PPARA: variants seen among roughly 807,000 people sequenced by gnomAD.
PPARA encodes peroxisome proliferator-activated receptor alpha.
PPARA carries 22 observed loss-of-function variants against 42.2 expected under a neutral mutation model. The observed-to-expected ratio is 0.52, with a 90% CI of 0.37 to 0.74. The LOEUF is 0.74. Ranked by LOEUF, PPARA falls within the 30% of genes least tolerant of loss-of-function variation. PPARA has a pLI of 0.00. For missense variants in PPARA, 465 were observed against 608.2 expected, an observed-to-expected ratio of 0.76 and a Z score of 2.48; for synonymous variants, 242 against 239.3, an observed-to-expected ratio of 1.01 and a Z score of -0.10.
chr22:46,223,164 G>C lies in PPARA; in HGVS notation c.711+3150G>C, dbSNP rs148495203. Among the ~76,000 whole-genome samples the C allele has an allele frequency of 3.2e-3, 488 of 151,956 alleles. 2 individuals carry two copies. The highest frequency in any genetic ancestry group is 0.011 in the African/African-American group (472 of 41,450). ...AAGCGAGACTCTCTAAAAAAAATTCGAAGCAGAGTTAAGTTGTCTTTCTTC... is the reference window on the plus strand; with the variant it reads ...AAGCGAGACTCTCTAAAAAAAATTCCAAGCAGAGTTAAGTTGTCTTTCTTC... On this transcript the variant is annotated intron_variant, in intron 7 of 8. Coordinates refer to ENST00000407236, the MANE Select transcript of PPARA (RefSeq NM_005036.6).
intron 1 of PPARA, among the ~76,000 whole-genome samples, chr22:46,151,446 G>T (rs1345301714): frequency 1.3e-5 from 2 of 152,266 alleles, no homozygotes; most frequent in African/African-American, 4.8e-5. Flanking sequence ...GCGGGGTGGT[G>T]CCAGTGGAAG....
chr22:46,202,680 T>A (rs559224896), intron 4 of PPARA, among the ~76,000 whole-genome samples: 2 of 151,942 alleles, frequency 1.3e-5, no homozygotes, highest in East Asian at 3.9e-4. Flanking sequence ...TTATTTATTT[T>A]TTGAGACAGA....
In PPARA at chr22:46,171,995, A is replaced by G. The variant is rs1364433825; in HGVS notation, c.-126-4758A>G. 1.3e-5 allele frequency among the ~76,000 whole-genome samples: 2 copies of G among 152,076 alleles called. No homozygotes were observed. The highest frequency in any genetic ancestry group is 4.8e-5 in the African/African-American group (2 of 41,416). ...GGCCAAGCAAGGTGGCTAAGTGGGA[A>G]AGGCTCCACCGCGTTGGGTGTAGGA... On this transcript the variant is annotated intron_variant, in intron 2 of 8. Coordinates refer to ENST00000407236, the MANE Select transcript of PPARA (RefSeq NM_005036.6). This position sits in a 1 kb window ranked among gnomAD's most constrained non-coding sequence, Gnocchi z 5.0.
At position 46,187,255 on chromosome 22, in the gene PPARA, A is replaced by T. The variant is rs570235706; in HGVS notation, c.-43+10419A>T. On this transcript the variant is annotated intron_variant, in intron 3 of 8. Coordinates refer to ENST00000407236, the MANE Select transcript of PPARA (RefSeq NM_005036.6). The surrounding 1 kb of genome is among the most constrained non-coding windows in gnomAD (Gnocchi z 4.9). ...CAGGTACCTTAAACACCATTTTAAA[A>T]CTGAACTCATGGCCAGGTGCATTGG... Among the ~76,000 whole-genome samples the T allele has an allele frequency of 6.6e-6, 1 of 152,318 alleles. No individual in the cohort carries two copies. The highest frequency in any genetic ancestry group is 2.4e-5 in the African/African-American group (1 of 41,548).
intron 2 of PPARA, among the ~76,000 whole-genome samples, chr22:46,175,100 G>C (rs1928826707): frequency 6.6e-6 from 1 of 151,764 alleles, no homozygotes; most frequent in Non-Finnish European, 1.5e-5. Flanking sequence ...GTAGAGATGG[G>C]GTTTCACCTT....
At position 46,236,047 on chromosome 22, in the gene PPARA, G is replaced by A. The variant is rs1431179564; in HGVS notation, c.*667G>A. The stretch of plus-strand genomic sequence containing the variant: ...GTGGATCACAAGGTCAGCAGATCGA[G>A]ACCATCCTGGCCAACATGGTGAAAC... On this transcript the variant is annotated 3_prime_UTR_variant, in exon 9 of 9. Coordinates refer to ENST00000407236, the MANE Select transcript of PPARA (RefSeq NM_005036.6). This position sits in a 1 kb window ranked among gnomAD's most constrained non-coding sequence, Gnocchi z 5.2. 3 of 153,858 alleles carry A rather than the reference G, an allele frequency of 1.9e-5. No individual in the cohort carries two copies. Among genetic ancestry groups the A allele is most frequent in the African/African-American group, 4.8e-5 (2 of 41,442 alleles). 9.5% of individuals were successfully genotyped at this position (153,858 alleles called of 1,614,324 possible).
intron 7 of PPARA, 27 bp downstream of exon 7, chr22:46,220,041 C>G (rs1247729310): frequency 6.2e-7 from 1 of 1,609,986 alleles, no homozygotes; most frequent in Non-Finnish European, 8.5e-7. Flanking sequence ...GTTCTGGGTT[C>G]TCTTGGCAAC....
At position 46,165,917 on chromosome 22, in the gene PPARA, C is replaced by T. The variant is rs996586780; in HGVS notation, c.-126-10836C>T. ...CAGTGGCTCATGCATGTAATCCCAG[C>T]GCTTTGGGAGGCCAAGGCGGGTGAA... On this transcript the variant is annotated intron_variant, in intron 2 of 8. Coordinates refer to ENST00000407236, the MANE Select transcript of PPARA (RefSeq NM_005036.6). This position sits in a 1 kb window ranked among gnomAD's most constrained non-coding sequence, Gnocchi z 5.5. Among the ~76,000 whole-genome samples the T allele has an allele frequency of 4.6e-5, 7 of 152,192 alleles. No homozygotes were observed. Among genetic ancestry groups the T allele is most frequent in the South Asian group, 2.1e-4 (1 of 4,830 alleles).
chr22:46,190,623 G>A lies in PPARA; in HGVS notation c.-42-7719G>A, dbSNP rs528618039. Among the ~76,000 whole-genome samples, 9 of 152,106 alleles carry A rather than the reference G, an allele frequency of 5.9e-5. No individual in the cohort carries two copies. The highest frequency in any genetic ancestry group is 3.3e-4 in the Admixed American group (5 of 15,266). The stretch of plus-strand genomic sequence containing the variant: ...AAAATTAGCTGGGGGTGGTGGCAGC[G>A]CCTGTAGTCCAAACCACTTGGGAGC... On this transcript the variant is annotated intron_variant, in intron 3 of 8. Coordinates refer to ENST00000407236, the MANE Select transcript of PPARA (RefSeq NM_005036.6). This position sits in a 1 kb window ranked among gnomAD's most constrained non-coding sequence, Gnocchi z 5.6.
intron 2 of PPARA, among the ~76,000 whole-genome samples, chr22:46,166,874 T>A (rs1309577900): frequency 6.6e-6 from 1 of 152,204 alleles, no homozygotes; most frequent in Non-Finnish European, 1.5e-5. Flanking sequence ...TAGAATTTGA[T>A]AACCTGATTC....
Position 46,211,190 on chromosome 22 carries a change from G to A in PPARA, c.209-3983G>A, listed in dbSNP as rs1400568025. Among the ~76,000 whole-genome samples the A allele has an allele frequency of 6.6e-6, 1 of 152,216 alleles. No homozygotes were observed. Among genetic ancestry groups the A allele is most frequent in the Non-Finnish European group, 1.5e-5 (1 of 68,046 alleles). The stretch of plus-strand genomic sequence containing the variant: ...TCGGTATTTCTGTCTGTGGCCATCT[G>A]TAGCTGTATGAAGCCAAACATGAGT... On this transcript the variant is annotated intron_variant, in intron 4 of 8. Transcript: ENST00000407236. This position sits in a 1 kb window ranked among gnomAD's most constrained non-coding sequence, Gnocchi z 4.1.
At chr22:46,168,120 AAGCAGGTGGATCACAAG>A in intron 2 of PPARA, among the ~76,000 whole-genome samples, 1 of 151,884 alleles carries the variant, frequency 6.6e-6, no homozygotes, top group African/African-American at 2.4e-5. Context: ...TGGGAGGCTG[AAGCAGGTGGATCACAAG>A]GGCAGGAGAT....
chr22:46,229,594 A>C (rs1262023009), intron 7 of PPARA, among the ~76,000 whole-genome samples: 1 of 152,178 alleles, frequency 6.6e-6, no homozygotes, highest in African/African-American at 2.4e-5. Context: ...CCTCCTAGAA[A>C]TGTTAATTCC....
intron 5 of PPARA, 125 bp downstream of exon 5, chr22:46,215,458 C>A: frequency 7.8e-7 from 1 of 1,275,976 alleles, no homozygotes; most frequent in Non-Finnish European, 1.1e-6. Flanking sequence ...TGACTTCAGG[C>A]CAGGCGCGGT....
Position 46,155,088 on chromosome 22 carries a change from C to A in PPARA, c.-127+3118C>A, listed in dbSNP as rs116017866. ...ATATATTTGAAACATGCCAATTTTT[C>A]TTCTCTTTTTTTGCTCTATTGGTTT... On this transcript the variant is annotated intron_variant, in intron 2 of 8. Coordinates refer to ENST00000407236, the MANE Select transcript of PPARA (RefSeq NM_005036.6). The A allele has an allele frequency of 7.4e-3, 787 of 105,940 alleles. 9 individuals carry two copies. Among genetic ancestry groups the A allele is most frequent in the African/African-American group, 0.026 (746 of 28,780 alleles). The allele number at this position is 105,940 out of a possible 1,614,324, so 6.6% of individuals were successfully genotyped here.
rs904534153 is a variant in PPARA at position 46,225,650 on chromosome 22, C to T, written c.711+5636C>T. Reference sequence around the variant, plus strand: ...ACAAACACACCCACACATACACATGCACCCACACGTGTACACAGATGCACC... The same window carrying T: ...ACAAACACACCCACACATACACATGTACCCACACGTGTACACAGATGCACC... On this transcript the variant is annotated intron_variant, in intron 7 of 8. Transcript: ENST00000407236. The surrounding 1 kb of genome is among the most constrained non-coding windows in gnomAD (Gnocchi z 4.1). Among the ~76,000 whole-genome samples the T allele has an allele frequency of 2.6e-5, 4 of 151,580 alleles. No homozygotes were observed. Among genetic ancestry groups the T allele is most frequent in the Admixed American group, 6.6e-5 (1 of 15,242 alleles).
rs2147731803 is a variant in PPARA at position 46,237,230 on chromosome 22, A to T, written c.*1850A>T. The T allele has an allele frequency of 6.6e-6, 1 of 152,264 alleles. No individual in the cohort carries two copies. Among genetic ancestry groups the T allele is most frequent in the Admixed American group, 6.5e-5 (1 of 15,296 alleles). 9.4% of individuals were successfully genotyped at this position (152,264 alleles called of 1,614,324 possible). On this transcript the variant is annotated 3_prime_UTR_variant, in exon 9 of 9. Coordinates refer to ENST00000407236, the MANE Select transcript of PPARA (RefSeq NM_005036.6). The surrounding 1 kb of genome is among the most constrained non-coding windows in gnomAD (Gnocchi z 6.7). ...GAGAGTGGGAAGGACACAGTGTGAGACTTCCACTAGAAAAAAGTGAAAGTT... is the reference window on the plus strand; with the variant it reads ...GAGAGTGGGAAGGACACAGTGTGAGTCTTCCACTAGAAAAAAGTGAAAGTT...
rs1935398240 is a variant in PPARA at position 46,225,910 on chromosome 22, T to G, written c.712-5882T>G. Among the ~76,000 whole-genome samples the G allele has an allele frequency of 2.0e-5, 3 of 146,536 alleles. No individual in the cohort carries two copies. The highest frequency in any genetic ancestry group is 2.0e-4 in the Admixed American group (3 of 14,794). ...ACTCACACATGTACCCACACCTGTG[T>G]GTACACACACACATGCATGCTCACA... On this transcript the variant is annotated intron_variant, in intron 7 of 8. Transcript: ENST00000407236. The surrounding 1 kb of genome is among the most constrained non-coding windows in gnomAD (Gnocchi z 4.1).
chr22:46,215,122 A>G (rs1227345916), intron 4 of PPARA, 51 bp from the exon 5 acceptor site: 11 of 1,597,310 alleles, frequency 6.9e-6, no homozygotes, highest in South Asian at 4.4e-5. Context: ...CGGTTCAGAC[A>G]CAGGATAGTG....
Sources: allele counts gnomAD v4.1 joint callset (sites outside exome capture counted in the v4.1 genomes callset), GRCh38; gene constraint gnomAD v4.1.1; non-coding constraint Gnocchi (gnomAD v3.1); transcripts MANE v1.5; gene names NCBI Gene and HGNC (gene_info 2026-07-23, HGNC 2026-07-21).